Variants in PLCB1 observed in about 807,000 individuals in gnomAD.
PLCB1 encodes 1-phosphatidylinositol 4,5-bisphosphate phosphodiesterase beta-1.
A neutral mutation model predicts 161.8 loss-of-function variants in PLCB1; 46 were observed. That is an observed-to-expected ratio of 0.28 (90% CI 0.22 to 0.36). The LOEUF (loss-of-function observed/expected upper bound fraction) is 0.36, where lower values mean the gene tolerates loss of function less well. Ranked by LOEUF, PLCB1 falls within the 10% of genes least tolerant of loss-of-function variation. The pLI, the probability that PLCB1 is intolerant of heterozygous loss-of-function variation, is 1.00. For missense variants in PLCB1, 1,016 were observed against 1,472.5 expected (o/e 0.69, Z 5.07); for synonymous variants, 517 against 503.7 (o/e 1.03, Z -0.35).
At chr20:8,767,791 A>G (rs774488163) in intron 26 of PLCB1, among the ~76,000 whole-genome samples, 1 of 152,232 alleles carries the variant, frequency 6.6e-6, no homozygotes. Flanking sequence ...CATATGTGTC[A>G]TATCAGTTTC....
At chr20:8,190,504 C>T (rs963971679) in intron 2 of PLCB1, among the ~76,000 whole-genome samples, 1 of 152,072 alleles carries the variant, frequency 6.6e-6, no homozygotes, top group African/African-American at 2.4e-5. Flanking sequence ...ACATGTAGCT[C>T]TGTGTTTATG....
At chr20:8,758,808 A>G (rs1263993538) in intron 24 of PLCB1, among the ~76,000 whole-genome samples, 3 of 152,224 alleles carry the variant, frequency 2.0e-5, no homozygotes, top group African/African-American at 7.2e-5. Context: ...ATATTTTGGA[A>G]TAATTGAACT....
chr20:8,805,001 C>CAAAAAAAAAAAAAAAAA (rs3033880), intron 31 of PLCB1, among the ~76,000 whole-genome samples: 1 of 91,018 alleles, frequency 1.1e-5, no homozygotes. Context: ...AACTCCATCT[C>CAAAAAAAAAAAAAAAAA]AAAAAAAAAA....
At chr20:8,635,246 G>A (rs531353698) in intron 4 of PLCB1, among the ~76,000 whole-genome samples, 1 of 152,146 alleles carries the variant, frequency 6.6e-6, no homozygotes, top group South Asian at 2.1e-4. Flanking sequence ...AATGCGAGAG[G>A]TGTGAGAGAG....
intron 3 of PLCB1, among the ~76,000 whole-genome samples, chr20:8,584,914 C>A (rs1173183130): frequency 6.6e-6 from 1 of 152,148 alleles, no homozygotes; most frequent in Non-Finnish European, 1.5e-5. Context: ...TGGTCTTGAT[C>A]TCCTGACCTT....
intron 31 of PLCB1, among the ~76,000 whole-genome samples, chr20:8,819,686 A>G (rs1293294659): frequency 6.6e-6 from 1 of 152,214 alleles, no homozygotes; most frequent in Non-Finnish European, 1.5e-5. Flanking sequence ...AAACCTGCAG[A>G]TGCTGAGCAC....
chr20:8,430,543 T>C (rs1054678569), intron 3 of PLCB1, among the ~76,000 whole-genome samples: 3 of 152,130 alleles, frequency 2.0e-5, no homozygotes, highest in African/African-American at 4.8e-5. Flanking sequence ...ATGAACCTAG[T>C]TGGGAGATGT....
chr20:8,185,243 C>T (rs982317511), intron 2 of PLCB1, among the ~76,000 whole-genome samples: 4 of 152,116 alleles, frequency 2.6e-5, no homozygotes, highest in Non-Finnish European at 5.9e-5. Flanking sequence ...AATTTCTTTT[C>T]TGGGCATTTA....
chr20:8,545,814 C>T (rs577086979), intron 3 of PLCB1, among the ~76,000 whole-genome samples: 18 of 152,264 alleles, frequency 1.2e-4, no homozygotes, highest in Admixed American at 4.6e-4. Flanking sequence ...TTCTTCTATA[C>T]GGCACACATT....
At chr20:8,345,032 T>C (rs572245594) in intron 2 of PLCB1, among the ~76,000 whole-genome samples, 78 of 152,328 alleles carry the variant, frequency 5.1e-4, no homozygotes, top group African/African-American at 1.7e-3. Context: ...CTGGCAATTA[T>C]GTTTTAGTAC....
At chr20:8,509,496 A>G (rs768005439) in intron 3 of PLCB1, among the ~76,000 whole-genome samples, 5 of 152,228 alleles carry the variant, frequency 3.3e-5, no homozygotes, top group Non-Finnish European at 5.9e-5. Context: ...AAGGTTTTTC[A>G]TCAAACTGTA....
chr20:8,166,321 G>T (rs1460533013), intron 2 of PLCB1, among the ~76,000 whole-genome samples: 1 of 152,130 alleles, frequency 6.6e-6, no homozygotes, highest in African/African-American at 2.4e-5. Context: ...GCCATCTTGA[G>T]CTCTGTGGTG....
Position 8,881,835 on chromosome 20 carries a change from G to T in PLCB1, c.3637G>T (p.Asp1213Tyr). Residue 1213 changes from aspartate to tyrosine, a missense_variant, in exon 32 of 32, where the codon GAT (aspartate) becomes TAT (tyrosine). Physicochemically the swap from Asp to Tyr is radical, Grantham distance 160 (BLOSUM62 -3). Transcript: ENST00000338037. Reference protein sequence around the residue: ...LGGDIPGKEFDTPL With the variant: ...LGGDIPGKEFYTPL ...AGGAGACATCCCAGGAAAAGAATTT[G>T]ATACTCCTCTGTGAATGCTCCTGCC... The T allele has an allele frequency of 1.9e-6, 3 of 1,611,692 alleles. No homozygotes were observed. Among genetic ancestry groups the T allele is most frequent in the Non-Finnish European group, 2.5e-6 (3 of 1,177,800 alleles).
At chr20:8,719,776 C>T (rs996353261) in intron 14 of PLCB1, among the ~76,000 whole-genome samples, 4 of 151,970 alleles carry the variant, frequency 2.6e-5, no homozygotes, top group South Asian at 2.1e-4. Flanking sequence ...GGACTTACGA[C>T]GTGTACTTTT....
At chr20:8,724,095 A>G (rs1979797734) in intron 15 of PLCB1, among the ~76,000 whole-genome samples, 1 of 151,924 alleles carries the variant, frequency 6.6e-6, no homozygotes, top group Non-Finnish European at 1.5e-5. Flanking sequence ...GGATCAGGAA[A>G]AATAACTAAT....
At chr20:8,206,538 T>G (rs1022518605) in intron 2 of PLCB1, among the ~76,000 whole-genome samples, 1 of 152,124 alleles carries the variant, frequency 6.6e-6, no homozygotes, top group East Asian at 1.9e-4. Context: ...TTTGATAAAT[T>G]TAGTAAAATT....
At chr20:8,526,887 C>T (rs2122902056) in intron 3 of PLCB1, among the ~76,000 whole-genome samples, 1 of 152,248 alleles carries the variant, frequency 6.6e-6, no homozygotes, top group African/African-American at 2.4e-5. Flanking sequence ...TACATCAAGT[C>T]AGGTTTTCAC....
intron 27 of PLCB1, among the ~76,000 whole-genome samples, chr20:8,775,990 A>T (rs1413334258): frequency 2.6e-5 from 4 of 152,180 alleles, no homozygotes; most frequent in African/African-American, 9.7e-5. Context: ...AGGCATAGGG[A>T]GGGATTGCCT....
chr20:8,311,576 GTTTCTCAGGGTGAGC>G (rs1296265353), intron 2 of PLCB1, among the ~76,000 whole-genome samples: 1 of 152,144 alleles, frequency 6.6e-6, no homozygotes, highest in Non-Finnish European at 1.5e-5. Context: ...CCAAAATCTT[GTTTCTCAGGGTGAGC>G]TTAGGGTTCA....
Sources: allele counts gnomAD v4.1 joint callset (sites outside exome capture counted in the v4.1 genomes callset), GRCh38; gene constraint gnomAD v4.1.1; transcripts MANE v1.5; gene names NCBI Gene and HGNC (gene_info 2026-07-23, HGNC 2026-07-21).